Variants in SMC5 observed in about 807,000 individuals in gnomAD.
The protein encoded by SMC5 is structural maintenance of chromosomes protein 5.
Under a neutral mutation model 148.3 loss-of-function variants are expected in SMC5, and 88 were observed. The ratio of observed to expected loss-of-function variants is 0.59; its 90% confidence interval spans 0.50 to 0.71. The LOEUF (loss-of-function observed/expected upper bound fraction) is 0.71. Among genes scored for constraint, SMC5 ranks in the 30% least tolerant of loss-of-function variants. The probability of loss-of-function intolerance (pLI) is 0.00; values close to 1 mark genes in which losing one functional copy is unlikely to be tolerated. For missense variants in SMC5, 1,142 were observed against 1,298.9 expected (o/e 0.88, Z 1.86); for synonymous variants, 421 against 432.8 (o/e 0.97, Z 0.34).
Position 70,291,312 on chromosome 9 carries a change from G to A in SMC5, c.1053+5041G>A, listed in dbSNP as rs141569065. Reference sequence around the variant, plus strand: ...CATGCCTTCATCATTCAGCCAGGCAGTATTCACACTTTACTGAGATTCAAT... The same window carrying A: ...CATGCCTTCATCATTCAGCCAGGCAATATTCACACTTTACTGAGATTCAAT... On this transcript the variant is annotated intron_variant, in intron 8 of 24. Transcript: ENST00000361138. 5.9e-5 allele frequency among the ~76,000 whole-genome samples: 9 copies of A among 152,284 alleles called. No individual in the cohort carries two copies. The East Asian group carries it at 1.5e-3, about 26-fold the overall frequency.
chr9:70,300,314 G>A (rs2118410245), intron 10 of SMC5, 114 bp downstream of exon 10: 1 of 891,748 alleles, frequency 1.1e-6, no homozygotes, highest in Non-Finnish European at 1.6e-6. Flanking sequence ...CAGACTTGTG[G>A]CATCTGGCAT....
At chr9:70,294,765 G>A (rs2035150575) in intron 8 of SMC5, among the ~76,000 whole-genome samples, 1 of 152,156 alleles carries the variant, frequency 6.6e-6, no homozygotes, top group African/African-American at 2.4e-5. Context: ...AAAGGTTAAG[G>A]AAAAGATGAT....
chr9:70,322,042 C>T (rs1042662707), intron 15 of SMC5, among the ~76,000 whole-genome samples: 1 of 152,236 alleles, frequency 6.6e-6, no homozygotes, highest in South Asian at 2.1e-4. Context: ...TTTCTAAACA[C>T]ATTTATAAAT....
chr9:70,346,955 C>T lies in SMC5; in HGVS notation c.2569-111C>T. 5.0e-6 allele frequency: 4 copies of T among 795,790 alleles called. No individual in the cohort carries two copies. The East Asian group carries it at 1.1e-4, about 21-fold the overall frequency. The allele number at this position is 795,790 out of a possible 1,614,324, so 49.3% of individuals were successfully genotyped here. A position where few individuals can be genotyped will look rare whatever the true frequency, so the allele number is the denominator to read the frequency against. Reference sequence around the variant, plus strand: ...ATTATTCCTTTGTATTCTTGTGTGCCAGCATGCTGTTGAACAGATAGATAA... The same window carrying T: ...ATTATTCCTTTGTATTCTTGTGTGCTAGCATGCTGTTGAACAGATAGATAA... On this transcript the variant is annotated intron_variant, in intron 19 of 24. Transcript: ENST00000361138.
Position 70,275,476 on chromosome 9 carries a change from C to A in SMC5, c.381-1834C>A, listed in dbSNP as rs2034564602. Among the ~76,000 whole-genome samples the A allele has an allele frequency of 2.6e-5, 4 of 152,190 alleles. No individual in the cohort carries two copies. In the South Asian group the frequency reaches 8.3e-4, roughly 31 times the overall value. ...TTTGCCTTCCAAAATACTGAGATTACAGGCGTGAGCCACCACATCTGGCCT... is the reference window on the plus strand; with the variant it reads ...TTTGCCTTCCAAAATACTGAGATTAAAGGCGTGAGCCACCACATCTGGCCT... On this transcript the variant is annotated intron_variant, in intron 3 of 24. Coordinates refer to ENST00000361138, the MANE Select transcript of SMC5 (RefSeq NM_015110.4).
chr9:70,314,353 C>T (rs2035741064), intron 11 of SMC5, among the ~76,000 whole-genome samples: 1 of 152,116 alleles, frequency 6.6e-6, no homozygotes, highest in African/African-American at 2.4e-5. Context: ...TTCTTTTGTC[C>T]ATCTCCAGTG....
intron 11 of SMC5, among the ~76,000 whole-genome samples, chr9:70,314,239 A>G (rs2035736130): frequency 6.6e-6 from 1 of 151,478 alleles, no homozygotes; most frequent in Non-Finnish European, 1.5e-5. Flanking sequence ...TTCTTTCCCC[A>G]CTCCTGATGC....
intron 17 of SMC5, among the ~76,000 whole-genome samples, chr9:70,329,675 T>C (rs1388839517): frequency 3.3e-5 from 5 of 152,182 alleles, no homozygotes; most frequent in Non-Finnish European, 7.3e-5. Flanking sequence ...TCCAAACTGT[T>C]CCAACCTCTG....
intron 13 of SMC5, among the ~76,000 whole-genome samples, chr9:70,316,451 CTTAACAGTAACTT>C (rs71855052): frequency 0.047 from 6,790 of 143,252 alleles, 212 homozygotes; most frequent in Non-Finnish European, 0.068. Flanking sequence ...AAACAAGTTA[CTTAACAGTAACTT>C]GATTAGAATT....
intron 2 of SMC5, 68 bp from the exon 3 acceptor site, chr9:70,267,855 T>A (rs2034334196): frequency 1.5e-6 from 2 of 1,372,352 alleles, no homozygotes; most frequent in Non-Finnish European, 1.0e-6. Context: ...TAATAATGAC[T>A]GCTAAATCTC....
At chr9:70,332,460 G>A (rs1037559479) in intron 17 of SMC5, among the ~76,000 whole-genome samples, 1 of 148,918 alleles carries the variant, frequency 6.7e-6, no homozygotes, top group Admixed American at 6.8e-5. Flanking sequence ...GGAGGTCAAG[G>A]CCACACTAAG....
At chr9:70,287,358 G>T (rs1302624250) in intron 8 of SMC5, among the ~76,000 whole-genome samples, 1 of 151,834 alleles carries the variant, frequency 6.6e-6, no homozygotes, top group Non-Finnish European at 1.5e-5. Flanking sequence ...TCTCTTTATG[G>T]TTAAAAGTAA....
At chr9:70,260,269 T>A (rs1404425897) in intron 1 of SMC5, among the ~76,000 whole-genome samples, 1 of 152,178 alleles carries the variant, frequency 6.6e-6, no homozygotes, top group African/African-American at 2.4e-5. Context: ...CACGCCCAGC[T>A]ATTTTTTTTT....
chr9:70,289,219 A>T (rs1587646751), intron 8 of SMC5, among the ~76,000 whole-genome samples: 1 of 151,876 alleles, frequency 6.6e-6, no homozygotes, highest in South Asian at 2.1e-4. Context: ...TGTATTTTTA[A>T]TAGAGACAGA....
chr9:70,314,963 T>C (rs1415524606), intron 12 of SMC5, 127 bp downstream of exon 12: 9 of 552,786 alleles, frequency 1.6e-5, no homozygotes. Context: ...TAAGGAAAAA[T>C]TTAGGCACAG....
chr9:70,323,700 G>T, intron 16 of SMC5, 94 bp downstream of exon 16: 2 of 1,344,946 alleles, frequency 1.5e-6, no homozygotes, highest in Non-Finnish European at 2.0e-6. Flanking sequence ...TTTTGATTAA[G>T]GTTTTTGACA....
intron 17 of SMC5, among the ~76,000 whole-genome samples, chr9:70,341,696 G>C (rs1178520939): frequency 6.6e-6 from 1 of 152,124 alleles, no homozygotes; most frequent in Non-Finnish European, 1.5e-5. Flanking sequence ...AATAATACAG[G>C]TGTCCCCAGT....
intron 18 of SMC5, 124 bp from the exon 19 acceptor site, chr9:70,346,481 T>C: frequency 1.1e-6 from 1 of 949,066 alleles, no homozygotes; most frequent in South Asian, 1.5e-5. Context: ...GTGGTGAAAT[T>C]CAACTGTCAA....
intron 14 of SMC5, 27 bp from the exon 15 acceptor site, chr9:70,318,767 T>C (rs1247707036): frequency 1.3e-6 from 2 of 1,549,736 alleles, no homozygotes; most frequent in Admixed American, 2.2e-5. Flanking sequence ...TTTTTAAATA[T>C]GTTAACAATT....
Sources: allele counts gnomAD v4.1 joint callset (sites outside exome capture counted in the v4.1 genomes callset), GRCh38; gene constraint gnomAD v4.1.1; transcripts MANE v1.5; gene names NCBI Gene and HGNC (gene_info 2026-07-23, HGNC 2026-07-21).